RNF182: variants seen among roughly 807,000 people sequenced by gnomAD.
RNF182 encodes the protein ring finger protein 182, also known as E3 ubiquitin-protein ligase RNF182.
In RNF182, 15 loss-of-function variants were observed where a neutral mutation model predicts 14.4. The ratio of observed to expected loss-of-function variants is 1.04; its 90% confidence interval spans 0.70 to 1.60. The LOEUF is 1.60. RNF182 is among the 40% of genes most tolerant of loss of function. The probability of loss-of-function intolerance (pLI) is 0.00; values close to 1 mark genes in which losing one functional copy is unlikely to be tolerated. For synonymous variants in RNF182, 128 were observed against 122.9 expected (o/e 1.04, Z -0.27); for missense variants, 268 against 294.8 (o/e 0.91, Z 0.67).
chr6:13,933,609 T>A (rs114773646), intron 1 of RNF182, among the ~76,000 whole-genome samples: 4,435 of 152,294 alleles, frequency 0.029, 210 homozygotes, highest in African/African-American at 0.1. Context: ...CAACATGTAA[T>A]CAATATAAAA....
In RNF182 at chr6:13,970,535, C is replaced by T. The variant is rs1760149273; in HGVS notation, c.-366-3675C>T. ...CCATATCTTTGCTATTGTGGATAGTCCTGCAATAAAAATGGGGGTGCATGT... is the reference window on the plus strand; with the variant it reads ...CCATATCTTTGCTATTGTGGATAGTTCTGCAATAAAAATGGGGGTGCATGT... On this transcript the variant is annotated intron_variant, in intron 1 of 2. Coordinates refer to ENST00000488300, the MANE Select transcript of RNF182 (RefSeq NM_152737.4). Among the ~76,000 whole-genome samples the T allele has an allele frequency of 2.6e-5, 4 of 152,032 alleles. No individual in the cohort carries two copies. The South Asian group carries it at 8.3e-4, about 31-fold the overall frequency.
intron 1 of RNF182, among the ~76,000 whole-genome samples, chr6:13,933,624 TTAA>T (rs1174948183): frequency 2.0e-5 from 3 of 152,240 alleles, no homozygotes; most frequent in East Asian, 1.9e-4. Flanking sequence ...ATAAAAATTA[TTAA>T]TGAGATTTTA....
chr6:13,944,357 C>G (rs1177157280), intron 1 of RNF182, among the ~76,000 whole-genome samples: 3 of 152,056 alleles, frequency 2.0e-5, no homozygotes, highest in Non-Finnish European at 4.4e-5. Context: ...GTTTTGTCAT[C>G]CTAGGGACAT....
At chr6:13,931,449 G>A (rs561696437) in intron 1 of RNF182, among the ~76,000 whole-genome samples, 32 of 152,254 alleles carry the variant, frequency 2.1e-4, no homozygotes, top group Middle Eastern at 3.4e-3. Flanking sequence ...GTGGTATCAG[G>A]GATGAAGTTA....
At position 13,958,437 on chromosome 6, in the gene RNF182, ATG is replaced by A. The variant is rs561355793; in HGVS notation, c.-366-15769_-366-15768del. ...ATAATCTGAAAGTCTACATTATAAA[ATG>A]TGTAGCATTCAAGAATATTTATCAA... On this transcript the variant is annotated intron_variant, in intron 1 of 2. Coordinates refer to ENST00000488300, the MANE Select transcript of RNF182 (RefSeq NM_152737.4). Among the ~76,000 whole-genome samples the A allele has an allele frequency of 3.5e-3, 530 of 152,318 alleles. 6 individuals are homozygous for A. The highest frequency in any genetic ancestry group is 5.3e-3 in the Non-Finnish European group (361 of 68,028).
At chr6:13,943,763 C>T (rs1759360938) in intron 1 of RNF182, among the ~76,000 whole-genome samples, 1 of 152,176 alleles carries the variant, frequency 6.6e-6, no homozygotes, top group South Asian at 2.1e-4. Flanking sequence ...TTCAGTACTA[C>T]TTCAGTAGGG....
chr6:13,949,218 T>G, intron 1 of RNF182: 3 of 793,478 alleles, frequency 3.8e-6, no homozygotes, highest in Non-Finnish European at 7.0e-6. Context: ...ATTTCTGCAT[T>G]GTCCACTGGA....
At chr6:13,949,064 A>G (rs28588958) in intron 1 of RNF182, 119,791 of 675,380 alleles carry the variant, frequency 0.18, 12,444 homozygotes, top group East Asian at 0.38. Flanking sequence ...CAAACCTTTT[A>G]TAACCCTTTA....
intron 1 of RNF182, among the ~76,000 whole-genome samples, chr6:13,928,408 A>G (rs759767854): frequency 5.3e-5 from 8 of 152,184 alleles, no homozygotes; most frequent in Non-Finnish European, 1.0e-4. Flanking sequence ...TTTCTCAGCT[A>G]TTAGGATTAT....
intron 1 of RNF182, among the ~76,000 whole-genome samples, chr6:13,960,697 G>GCGCA (rs140903588): frequency 0.021 from 3,097 of 149,786 alleles, 44 homozygotes; most frequent in Middle Eastern, 0.048. Flanking sequence ...GTGTGTGCGC[G>GCGCA]CGTGCACATG....
At position 13,967,620 on chromosome 6, in the gene RNF182, T is replaced by G. The variant is rs568404343; in HGVS notation, c.-366-6590T>G. 4.2e-4 allele frequency among the ~76,000 whole-genome samples: 64 copies of G among 152,344 alleles called. No individual in the cohort carries two copies. In the East Asian group the frequency reaches 7.3e-3, roughly 17 times the overall value. On this transcript the variant is annotated intron_variant, in intron 1 of 2. Transcript: ENST00000488300. ...AATAAATTAAAAGGAAAAGATTTTC[T>G]TATAGATTTTGTTCTCTGATCATAA...
At chr6:13,947,451 T>C (rs1759468058) in intron 1 of RNF182, among the ~76,000 whole-genome samples, 1 of 152,268 alleles carries the variant, frequency 6.6e-6, no homozygotes, top group South Asian at 2.1e-4. Flanking sequence ...AGTCTTATTG[T>C]ATGTGGCCTG....
chr6:13,931,897 C>T (rs1302053653), intron 1 of RNF182, among the ~76,000 whole-genome samples: 1 of 151,970 alleles, frequency 6.6e-6, no homozygotes, highest in Non-Finnish European at 1.5e-5. Context: ...AGGGTGGAGC[C>T]CTCATAAATA....
chr6:13,935,807 T>G (rs144210316), intron 1 of RNF182, among the ~76,000 whole-genome samples: 2 of 152,230 alleles, frequency 1.3e-5, no homozygotes, highest in Non-Finnish European at 2.9e-5. Flanking sequence ...CATCACTTAT[T>G]ATAATGGGGC....
chr6:13,978,772 T>C lies in RNF182; in HGVS notation c.*909T>C, dbSNP rs1382460372. ...GCTATAAATTCATCAATACTTTTTT[T>C]CCCTATTATATTTTTGGTTCTATTA... On this transcript the variant is annotated 3_prime_UTR_variant, in exon 3 of 3. Transcript: ENST00000488300. 1.2e-5 allele frequency: 2 copies of C among 167,110 alleles called. No individual in the cohort carries two copies. Among genetic ancestry groups the C allele is most frequent in the Non-Finnish European group, 2.9e-5 (2 of 68,124 alleles). The allele number at this position is 167,110 out of a possible 1,614,324, so 10.4% of individuals were successfully genotyped here.
At chr6:13,965,183 G>GATTT (rs1759990522) in intron 1 of RNF182, among the ~76,000 whole-genome samples, 1 of 152,214 alleles carries the variant, frequency 6.6e-6, no homozygotes, top group African/African-American at 2.4e-5. Context: ...TGAAATGCAT[G>GATTT]ATTTCCCCAT....
intron 1 of RNF182, among the ~76,000 whole-genome samples, chr6:13,946,120 G>A (rs1299481363): frequency 2.0e-5 from 3 of 146,850 alleles, no homozygotes; most frequent in Non-Finnish European, 4.5e-5. Context: ...GAAAGAATCT[G>A]TATTATCTTT....
At chr6:13,965,357 A>G (rs1176893732) in intron 1 of RNF182, among the ~76,000 whole-genome samples, 1 of 152,226 alleles carries the variant, frequency 6.6e-6, no homozygotes, top group Non-Finnish European at 1.5e-5. Flanking sequence ...TGTGAGTAAC[A>G]GGAAAGCCAG....
At position 13,977,379 on chromosome 6, in the gene RNF182, T is replaced by A; in HGVS notation, c.260T>A (p.Ile87Asn). The change falls in exon 3 of 3, where the codon ATC (isoleucine) becomes AAC (asparagine). Residue 87 changes from isoleucine (I) to asparagine (N), a missense_variant. Transcript: ENST00000488300. The stretch of plus-strand genomic sequence containing the variant: ...AGTAGCCTGCCCGATGACAACAACA[T>A]CCTTGTAAACTTGACTTGTGGAGGC... ...EVSSLPDDNN[I>N]LVNLTCGGKG... 7 of 1,614,152 alleles carry A rather than the reference T, an allele frequency of 4.3e-6. No individual in the cohort carries two copies. Among genetic ancestry groups the A allele is most frequent in the Non-Finnish European group, 5.9e-6 (7 of 1,180,002 alleles).
Sources: allele counts gnomAD v4.1 joint callset (sites outside exome capture counted in the v4.1 genomes callset), GRCh38; gene constraint gnomAD v4.1.1; transcripts MANE v1.5; gene names NCBI Gene and HGNC (gene_info 2026-07-23, HGNC 2026-07-21).